Variants in SSBP2 observed in about 807,000 individuals in gnomAD.
SSBP2 encodes the protein single stranded DNA binding protein 2.
A neutral mutation model predicts 61.8 loss-of-function variants in SSBP2; 17 were observed. That is an observed-to-expected ratio of 0.28 (90% CI 0.19 to 0.41). The LOEUF (loss-of-function observed/expected upper bound fraction) is 0.41. Ranked by LOEUF, SSBP2 falls within the 10% of genes least tolerant of loss-of-function variation. The probability of loss-of-function intolerance (pLI) is 1.00; values close to 1 mark genes in which losing one functional copy is unlikely to be tolerated. For missense variants in SSBP2, 310 were observed against 458.7 expected (o/e 0.68, Z 2.96); for synonymous variants, 139 against 141.3 (o/e 0.98, Z 0.12).
chr5:81,499,287 G>C (rs976511101), intron 5 of SSBP2, among the ~76,000 whole-genome samples: 1 of 152,104 alleles, frequency 6.6e-6, no homozygotes, highest in South Asian at 2.1e-4. Context: ...TTTTGGCAAG[G>C]CTAACCCAAT....
At chr5:81,679,928 G>A (rs1184409730) in intron 1 of SSBP2, among the ~76,000 whole-genome samples, 2 of 150,762 alleles carry the variant, frequency 1.3e-5, no homozygotes, top group South Asian at 2.1e-4. Flanking sequence ...ATCCAATCTG[G>A]TGAAGGCCTC....
intron 4 of SSBP2, among the ~76,000 whole-genome samples, chr5:81,540,429 G>T (rs144180053): frequency 2.0e-5 from 3 of 152,206 alleles, no homozygotes; most frequent in Admixed American, 6.5e-5. Context: ...TTTAGCAATC[G>T]CCATTCTAAC....
At chr5:81,482,729 C>CAATTATCTATCAAT (rs1766088071) in intron 6 of SSBP2, among the ~76,000 whole-genome samples, 1 of 152,180 alleles carries the variant, frequency 6.6e-6, no homozygotes. Flanking sequence ...CTTCTATCAG[C>CAATTATCTATCAAT]AATAAGGCTG....
At chr5:81,735,487 T>C (rs958844699) in intron 1 of SSBP2, among the ~76,000 whole-genome samples, 5 of 152,218 alleles carry the variant, frequency 3.3e-5, no homozygotes, top group Non-Finnish European at 7.3e-5. Flanking sequence ...CCCTATACTT[T>C]AAATCATCTC....
At chr5:81,606,112 T>C (rs763415538) in intron 4 of SSBP2, among the ~76,000 whole-genome samples, 8 of 152,094 alleles carry the variant, frequency 5.3e-5, no homozygotes, top group Admixed American at 2.0e-4. Flanking sequence ...AGGAGTTGGC[T>C]AAGAGTAACT....
At chr5:81,694,693 G>C (rs1262785875) in intron 1 of SSBP2, among the ~76,000 whole-genome samples, 1 of 152,142 alleles carries the variant, frequency 6.6e-6, no homozygotes, top group African/African-American at 2.4e-5. Context: ...ATTCAAAGAA[G>C]GCTTGGTGTA....
At chr5:81,533,503 C>T (rs1770575221) in intron 4 of SSBP2, among the ~76,000 whole-genome samples, 1 of 151,842 alleles carries the variant, frequency 6.6e-6, no homozygotes, top group Admixed American at 6.6e-5. Context: ...AATTTAGAAT[C>T]CAACAACATA....
intron 4 of SSBP2, among the ~76,000 whole-genome samples, chr5:81,589,467 A>C (rs1025919514): frequency 6.6e-6 from 1 of 152,250 alleles, no homozygotes; most frequent in Non-Finnish European, 1.5e-5. Flanking sequence ...TTTCACCCAA[A>C]AAGTATGCAG....
intron 5 of SSBP2, among the ~76,000 whole-genome samples, chr5:81,506,984 C>G (rs1405184237): frequency 4.6e-5 from 7 of 151,890 alleles, no homozygotes; most frequent in Non-Finnish European, 7.4e-5. Context: ...ATGGAGCCTT[C>G]CTTAGTCAAT....
Position 81,413,491 on chromosome 5 carries a change from A to G in SSBP2, c.*7013T>C, listed in dbSNP as rs1412306530. ...TTCCAGGAAGATATTATAGGTAACA[A>G]TTTAACACATGTAGTAAGAAAACGT... On this transcript the variant is annotated 3_prime_UTR_variant, in exon 17 of 17. Transcript: ENST00000320672. 1 of 152,222 alleles carries G rather than the reference A, an allele frequency of 6.6e-6. No homozygotes were observed. The highest frequency in any genetic ancestry group is 6.5e-5 in the Admixed American group (1 of 15,284). 9.4% of individuals were successfully genotyped at this position (152,222 alleles called of 1,614,324 possible).
chr5:81,514,685 T>C (rs990853261), intron 4 of SSBP2, among the ~76,000 whole-genome samples: 1 of 152,030 alleles, frequency 6.6e-6, no homozygotes, highest in African/African-American at 2.4e-5. Context: ...TCTTCACCTA[T>C]ATTTCAGTGT....
At chr5:81,486,095 T>C (rs1452052395) in intron 6 of SSBP2, among the ~76,000 whole-genome samples, 1 of 152,122 alleles carries the variant, frequency 6.6e-6, no homozygotes, top group Non-Finnish European at 1.5e-5. Flanking sequence ...GGAGTGGTGG[T>C]GGGAATGGAC....
intron 4 of SSBP2, among the ~76,000 whole-genome samples, chr5:81,532,621 A>C (rs1205487051): frequency 6.6e-6 from 1 of 151,994 alleles, no homozygotes; most frequent in African/African-American, 2.4e-5. Flanking sequence ...TTTATAGTGG[A>C]TTACAAAACC....
At chr5:81,626,891 G>A (rs916656455) in intron 3 of SSBP2, among the ~76,000 whole-genome samples, 5 of 152,200 alleles carry the variant, frequency 3.3e-5, no homozygotes, top group African/African-American at 1.2e-4. Flanking sequence ...TTACTGAGAT[G>A]AGCACTGGTT....
intron 15 of SSBP2, among the ~76,000 whole-genome samples, chr5:81,431,924 C>T (rs1411765161): frequency 6.6e-6 from 1 of 152,098 alleles, no homozygotes; most frequent in Non-Finnish European, 1.5e-5. Flanking sequence ...ATCCCTTCTC[C>T]CATCCTCAAA....
At chr5:81,493,191 T>C (rs956077317) in intron 5 of SSBP2, among the ~76,000 whole-genome samples, 1 of 151,508 alleles carries the variant, frequency 6.6e-6, no homozygotes, top group East Asian at 1.9e-4. Flanking sequence ...TTCAAAAACA[T>C]ATATATATAT....
intron 4 of SSBP2, among the ~76,000 whole-genome samples, chr5:81,581,407 C>A (rs569261005): frequency 6.6e-6 from 1 of 152,252 alleles, no homozygotes; most frequent in East Asian, 1.9e-4. Flanking sequence ...TTACTTTATA[C>A]CTTACAATTT....
chr5:81,484,004 T>C (rs774737827), intron 6 of SSBP2, among the ~76,000 whole-genome samples: 8 of 152,176 alleles, frequency 5.3e-5, no homozygotes, highest in East Asian at 3.8e-4. Flanking sequence ...GAAAGTTCTA[T>C]TGGGCAGTGC....
At chr5:81,573,481 T>C (rs779487455) in intron 4 of SSBP2, among the ~76,000 whole-genome samples, 8 of 152,212 alleles carry the variant, frequency 5.3e-5, no homozygotes, top group Admixed American at 3.9e-4. Flanking sequence ...AAACCTGGTA[T>C]GGTTTGGGAC....
Sources: gnomAD v4.1 joint callset for allele counts (sites outside exome capture counted in the v4.1 genomes callset) on GRCh38, gnomAD v4.1.1 for gene constraint, MANE v1.5 for transcripts, NCBI Gene and HGNC (gene_info 2026-07-23, HGNC 2026-07-21) for gene names.